Variants in ITSN2 observed in about 807,000 individuals in gnomAD.
ITSN2 encodes intersectin 2, also known as intersectin-2.
ITSN2 carries 156 observed loss-of-function variants against 243.7 expected under a neutral mutation model. That is an observed-to-expected ratio of 0.64 (90% CI 0.56 to 0.73). The LOEUF (loss-of-function observed/expected upper bound fraction) is 0.73, where lower values mean the gene tolerates loss of function less well. ITSN2 is among the 30% of genes least tolerant of loss of function. The probability of loss-of-function intolerance (pLI) is 0.00; values close to 1 mark genes in which losing one functional copy is unlikely to be tolerated. For synonymous variants in ITSN2, 703 were observed against 699.9 expected (o/e 1.00, Z -0.07); for missense variants, 1,801 against 1,996.1 (o/e 0.90, Z 1.86).
At chr2:24,263,969 T>C (rs1232946360) in intron 20 of ITSN2, among the ~76,000 whole-genome samples, 2 of 152,226 alleles carry the variant, frequency 1.3e-5, no homozygotes, top group African/African-American at 2.4e-5. Context: ...TTTTTAACAA[T>C]GGCTTATGGA....
chr2:24,222,599 C>T (rs950534907), intron 29 of ITSN2, among the ~76,000 whole-genome samples: 7 of 151,514 alleles, frequency 4.6e-5, no homozygotes, highest in Admixed American at 2.0e-4. Flanking sequence ...AAACTTTTGT[C>T]CTCCTTTAGT....
rs1211286894 is a variant in ITSN2, at chr2:24,202,903, A to G, written c.*723T>C. 1 of 152,688 alleles carries G rather than the reference A, an allele frequency of 6.5e-6. No homozygotes were observed. Among genetic ancestry groups the G allele is most frequent in the Non-Finnish European group, 1.5e-5 (1 of 68,046 alleles). The allele number at this position is 152,688 out of a possible 1,614,324, so 9.5% of individuals were successfully genotyped here. ...ATATGTCTTTATTCTCTTTCTGTAC[A>G]TATGGGCAATGATAAAGCTTAAAGA... On this transcript the variant is annotated 3_prime_UTR_variant, in exon 40 of 40. Coordinates refer to ENST00000355123, the MANE Select transcript of ITSN2 (RefSeq NM_006277.3).
intron 2 of ITSN2, among the ~76,000 whole-genome samples, chr2:24,324,115 C>T (rs922677239): frequency 3.3e-5 from 5 of 152,088 alleles, no homozygotes; most frequent in African/African-American, 1.2e-4. Flanking sequence ...GCCTGTAGTC[C>T]CAGCTACTCG....
chr2:24,208,190 C>T, intron 37 of ITSN2, 47 bp downstream of exon 37: 1 of 1,514,276 alleles, frequency 6.6e-7, no homozygotes, highest in Non-Finnish European at 9.1e-7. Context: ...GGCCGGCATT[C>T]CTAGGGCCCC....
chr2:24,204,176 C>T lies in ITSN2; in HGVS notation c.4936+69G>A. ...ATGGGGTCTGCACACAGCTGAAGCCCCTAGATCTGGACTCCAGGATCTAGG... is the reference window on the plus strand; with the variant it reads ...ATGGGGTCTGCACACAGCTGAAGCCTCTAGATCTGGACTCCAGGATCTAGG... On this transcript the variant is annotated intron_variant, in intron 39 of 39. Coordinates refer to ENST00000355123, the MANE Select transcript of ITSN2 (RefSeq NM_006277.3). This position sits in a 1 kb window ranked among gnomAD's most constrained non-coding sequence, Gnocchi z 5.1. The T allele has an allele frequency of 1.3e-6, 2 of 1,506,698 alleles. No homozygotes were observed. Among genetic ancestry groups the T allele is most frequent in the South Asian group, 1.1e-5 (1 of 87,178 alleles). 93.3% of individuals were successfully genotyped at this position (1,506,698 alleles called of 1,614,324 possible). A position where few individuals can be genotyped will look rare whatever the true frequency, so the allele number is the denominator to read the frequency against.
chr2:24,285,228 A>G (rs1363926001), intron 16 of ITSN2, among the ~76,000 whole-genome samples: 1 of 152,142 alleles, frequency 6.6e-6, no homozygotes, highest in African/African-American at 2.4e-5. Context: ...TATAGGGAAG[A>G]TAAGTTGGCT....
chr2:24,271,666 A>G lies in ITSN2; in HGVS notation c.2257+100T>C. 3 of 1,393,008 alleles carry G rather than the reference A, an allele frequency of 2.2e-6. 1 individual carries two copies. The highest frequency in any genetic ancestry group is 5.0e-5 in the East Asian group (2 of 40,060). The allele number at this position is 1,393,008 out of a possible 1,614,324, so 86.3% of individuals were successfully genotyped here. A position where few individuals can be genotyped will look rare whatever the true frequency, so the allele number is the denominator to read the frequency against. ...TAAAAAGGTTTTTTCTGACTCTACA[A>G]TTAGTATCTTTCTAATTTTCTTCCC... On this transcript the variant is annotated intron_variant, in intron 19 of 39. Transcript: ENST00000355123.
At chr2:24,275,197 AC>A (rs1258264400) in intron 18 of ITSN2, among the ~76,000 whole-genome samples, 1 of 152,200 alleles carries the variant, frequency 6.6e-6, no homozygotes, top group African/African-American at 2.4e-5. Context: ...AACAAATTAT[AC>A]TTGGCTCTTT....
chr2:24,209,749 G>A, intron 35 of ITSN2, 69 bp downstream of exon 35: 1 of 1,244,320 alleles, frequency 8.0e-7, no homozygotes, highest in Non-Finnish European at 1.2e-6. Flanking sequence ...GGGTCTGCCA[G>A]GAAGGCCTTA....
chr2:24,326,747 C>G (rs1318709331), intron 2 of ITSN2: 1 of 169,118 alleles, frequency 5.9e-6, no homozygotes, highest in South Asian at 2.0e-4. Context: ...GACACATGAC[C>G]TCACCACACA....
intron 37 of ITSN2, 116 bp downstream of exon 37, chr2:24,208,121 G>A (rs115186725): frequency 0.013 from 11,440 of 885,686 alleles, 112 homozygotes; most frequent in Non-Finnish European, 0.017. Flanking sequence ...GTCTGATCCC[G>A]CAGCAGGTCT....
intron 29 of ITSN2, chr2:24,238,819 TGA>T (rs1342511234): frequency 6.6e-6 from 1 of 152,098 alleles, no homozygotes; most frequent in Non-Finnish European, 1.5e-5. Context: ...CCTGTTCTCA[TGA>T]GACTACATTA....
rs1292781942 is a variant in ITSN2, at chr2:24,209,943, G to T, written c.4348C>A (p.Leu1450Met). The T allele has an allele frequency of 6.2e-7, 1 of 1,614,182 alleles. No individual in the cohort carries two copies. Among genetic ancestry groups the T allele is most frequent in the Admixed American group, 1.7e-5 (1 of 60,034 alleles). ...AAGTCATTGAAGAGGAATCCGTGCA[G>T]TTCCTTGTTGCTCTTGGTCTTGTAT... ...KLYKTKSNKE[L>M]HGFLFNDFLL... Residue 1450 changes from leucine (L) to methionine (M), a missense_variant, in exon 35 of 40, where the codon CTG becomes ATG. By Grantham distance (15) the Leu-to-Met change is conservative. Coordinates refer to ENST00000355123, the MANE Select transcript of ITSN2 (RefSeq NM_006277.3).
intron 20 of ITSN2, among the ~76,000 whole-genome samples, chr2:24,264,458 T>C (rs111898275): frequency 1.2e-3 from 189 of 151,594 alleles, no homozygotes; most frequent in African/African-American, 4.2e-3. Context: ...CTGAAAAACT[T>C]TGAGTAACCC....
intron 29 of ITSN2, among the ~76,000 whole-genome samples, chr2:24,231,106 G>T (rs891010925): frequency 1.3e-5 from 2 of 152,170 alleles, no homozygotes; most frequent in African/African-American, 4.8e-5. Context: ...TCTCAGAGAG[G>T]TTTTATCTGA....
At position 24,268,287 on chromosome 2, in the gene ITSN2, T is replaced by C. The variant is rs144887435; in HGVS notation, c.2355+2384A>G. On this transcript the variant is annotated intron_variant, in intron 20 of 39. Transcript: ENST00000355123. ...GTTGATCAGACCTTGCCTCCTATCTTACCGGGAATTTGGAAGTCCTGGGAC... is the reference window on the plus strand; with the variant it reads ...GTTGATCAGACCTTGCCTCCTATCTCACCGGGAATTTGGAAGTCCTGGGAC... 1.7e-3 allele frequency among the ~76,000 whole-genome samples: 258 copies of C among 152,320 alleles called. 3 individuals carry two copies. The highest frequency in any genetic ancestry group is 4.5e-3 in the African/African-American group (189 of 41,566).
At chr2:24,306,995 G>T (rs546306124) in intron 8 of ITSN2, among the ~76,000 whole-genome samples, 1 of 151,982 alleles carries the variant, frequency 6.6e-6, no homozygotes, top group South Asian at 2.1e-4. Context: ...TAGTAGAGAC[G>T]GGGTTTCACC....
chr2:24,358,008 G>A (rs957538281), intron 1 of ITSN2, among the ~76,000 whole-genome samples: 3 of 152,066 alleles, frequency 2.0e-5, no homozygotes, highest in African/African-American at 7.2e-5. Context: ...TCCGCCTCCC[G>A]GGTTCAACGA....
intron 18 of ITSN2, among the ~76,000 whole-genome samples, chr2:24,274,532 C>T (rs182980549): frequency 5.8e-4 from 89 of 152,248 alleles, no homozygotes; most frequent in Non-Finnish European, 1.0e-3. Flanking sequence ...CCTGATCATA[C>T]CACTGCAATC....
Sources: allele counts gnomAD v4.1 joint callset (sites outside exome capture counted in the v4.1 genomes callset), GRCh38; gene constraint gnomAD v4.1.1; non-coding constraint Gnocchi (gnomAD v3.1); transcripts MANE v1.5; gene names NCBI Gene and HGNC (gene_info 2026-07-23, HGNC 2026-07-21).